The following MACROD2 variants were observed in gnomAD, a reference collection of about 807,000 sequenced individuals.
MACROD2 encodes ADP-ribose glycohydrolase MACROD2.
Under a neutral mutation model 70.4 loss-of-function variants are expected in MACROD2, and 36 were observed. The ratio of observed to expected loss-of-function variants is 0.51; its 90% CI spans 0.39 to 0.68. The LOEUF (loss-of-function observed/expected upper bound fraction) is 0.68. Among genes scored for constraint, MACROD2 ranks in the 30% least tolerant of loss-of-function variants. The probability of loss-of-function intolerance (pLI) is 0.00; values close to 1 mark genes in which losing one functional copy is unlikely to be tolerated. For missense variants in MACROD2, 496 were observed against 538.4 expected (o/e 0.92, Z 0.78); for synonymous variants, 172 against 178.8 (o/e 0.96, Z 0.30).
chr20:14,381,651 G>A (rs766403826), intron 3 of MACROD2, among the ~76,000 whole-genome samples: 2 of 152,196 alleles, frequency 1.3e-5, no homozygotes, highest in Non-Finnish European at 2.9e-5. Flanking sequence ...AAATAGCAGT[G>A]AGCGGTGTTT....
chr20:14,039,818 T>C (rs1031903721), intron 2 of MACROD2, among the ~76,000 whole-genome samples: 6 of 150,776 alleles, frequency 4.0e-5, no homozygotes, highest in Non-Finnish European at 8.9e-5. Context: ...TTTTTTTTTT[T>C]ATTAAGTATG....
intron 3 of MACROD2, among the ~76,000 whole-genome samples, chr20:14,370,791 A>G (rs2083315215): frequency 6.6e-6 from 1 of 152,216 alleles, no homozygotes; most frequent in South Asian, 2.1e-4. Context: ...TTTCTTTTTC[A>G]GAAAACTGCC....
intron 5 of MACROD2, among the ~76,000 whole-genome samples, chr20:14,967,340 T>TC (rs2074647140): frequency 6.8e-6 from 1 of 146,046 alleles, no homozygotes; most frequent in African/African-American, 2.8e-5. Flanking sequence ...TTACAGGTAT[T>TC]TTTAGTAGAG....
intron 3 of MACROD2, among the ~76,000 whole-genome samples, chr20:14,383,350 A>G (rs2083441715): frequency 6.6e-6 from 1 of 151,980 alleles, no homozygotes; most frequent in African/African-American, 2.4e-5. Context: ...GACGATAGGA[A>G]TAAATAGTAA....
At chr20:15,304,904 C>T (rs937008905) in intron 6 of MACROD2, among the ~76,000 whole-genome samples, 4 of 152,256 alleles carry the variant, frequency 2.6e-5, no homozygotes, top group Non-Finnish European at 4.4e-5. Flanking sequence ...AGGCACCCCT[C>T]TCCACAGAAG....
intron 3 of MACROD2, among the ~76,000 whole-genome samples, chr20:14,250,466 A>G (rs1306321029): frequency 6.6e-6 from 1 of 152,122 alleles, no homozygotes; most frequent in Non-Finnish European, 1.5e-5. Context: ...CCTCCATGCT[A>G]CTACCGAAAA....
intron 8 of MACROD2, among the ~76,000 whole-genome samples, chr20:15,708,449 AT>A (rs2050570651): frequency 6.6e-6 from 1 of 152,032 alleles, no homozygotes; most frequent in Admixed American, 6.6e-5. Flanking sequence ...GGGAAAGAGC[AT>A]CCTGGGAAGT....
chr20:14,333,234 G>A (rs1333057017), intron 3 of MACROD2, among the ~76,000 whole-genome samples: 3 of 152,200 alleles, frequency 2.0e-5, no homozygotes, highest in Admixed American at 6.6e-5. Context: ...GAAAATAGAG[G>A]ATAAAATTTC....
intron 15 of MACROD2, among the ~76,000 whole-genome samples, chr20:15,990,951 C>T (rs2066549541): frequency 6.6e-6 from 1 of 152,146 alleles, no homozygotes; most frequent in African/African-American, 2.4e-5. Flanking sequence ...AGAGCGATGG[C>T]ATGGGAGCCA....
rs117019946 is a variant in MACROD2, at chr20:15,080,735, G to A, written c.419-149205G>A. ...CCTGGAAATCTAATAGGCATCATAAGCATAACATGTTCGAAAAGAACTATG... is the reference window on the plus strand; with the variant it reads ...CCTGGAAATCTAATAGGCATCATAAACATAACATGTTCGAAAAGAACTATG... On this transcript the variant is annotated intron_variant, in intron 5 of 17. Transcript: ENST00000684519. Among the ~76,000 whole-genome samples, 596 of 152,188 alleles carry A rather than the reference G, an allele frequency of 3.9e-3. 4 individuals are homozygous for A. Among genetic ancestry groups the A allele is most frequent in the Non-Finnish European group, 6.5e-3 (439 of 67,992 alleles).
intron 4 of MACROD2, among the ~76,000 whole-genome samples, chr20:14,660,931 C>T (rs1370617572): frequency 6.6e-6 from 1 of 151,974 alleles, no homozygotes; most frequent in African/African-American, 2.4e-5. Flanking sequence ...ATATGTACCA[C>T]ATTTCCTTTA....
At chr20:14,418,244 T>A (rs911247230) in intron 3 of MACROD2, among the ~76,000 whole-genome samples, 1 of 152,184 alleles carries the variant, frequency 6.6e-6, no homozygotes, top group Admixed American at 6.5e-5. Context: ...ATTGTTTCCA[T>A]AATAAGCAAA....
intron 5 of MACROD2, among the ~76,000 whole-genome samples, chr20:14,744,210 A>G (rs2071769947): frequency 6.6e-6 from 1 of 152,210 alleles, no homozygotes; most frequent in South Asian, 2.1e-4. Flanking sequence ...AGTGAGGTAT[A>G]TATATGCAAG....
Position 14,456,841 on chromosome 20 carries a change from C to T in MACROD2, c.272-36638C>T, listed in dbSNP as rs557551470. On this transcript the variant is annotated intron_variant, in intron 3 of 17. Transcript: ENST00000684519. ...ACGCCATTTTCCTGCCTCAGCCTCCCGAGTAGCTGGGACTACAGGTGCCCA... is the reference window on the plus strand; with the variant it reads ...ACGCCATTTTCCTGCCTCAGCCTCCTGAGTAGCTGGGACTACAGGTGCCCA... Among the ~76,000 whole-genome samples, 2 of 150,996 alleles carry T rather than the reference C, an allele frequency of 1.3e-5. 1 individual carries two copies. The highest frequency in any genetic ancestry group is 4.9e-5 in the African/African-American group (2 of 40,626).
At chr20:14,841,008 A>G (rs563141820) in intron 5 of MACROD2, among the ~76,000 whole-genome samples, 1 of 152,268 alleles carries the variant, frequency 6.6e-6, no homozygotes, top group Non-Finnish European at 1.5e-5. Context: ...TGTATTTGTA[A>G]ATTTCAGGTC....
chr20:14,728,087 G>C (rs1600594456), intron 5 of MACROD2, among the ~76,000 whole-genome samples: 1 of 151,928 alleles, frequency 6.6e-6, no homozygotes, highest in African/African-American at 2.4e-5. Context: ...AAAATGTCAA[G>C]CTCCTATGTC....
intron 5 of MACROD2, among the ~76,000 whole-genome samples, chr20:15,169,511 A>C (rs889117375): frequency 6.6e-6 from 1 of 152,218 alleles, no homozygotes; most frequent in South Asian, 2.1e-4. Flanking sequence ...ACCAGCCACT[A>C]TCAGGGTACA....
chr20:15,402,704 A>G (rs2146310743), intron 6 of MACROD2, among the ~76,000 whole-genome samples: 1 of 152,314 alleles, frequency 6.6e-6, no homozygotes, highest in Non-Finnish European at 1.5e-5. Context: ...GAAGTGCAAA[A>G]ATAGAACTAA....
At chr20:14,903,039 CTTTTT>C in intron 5 of MACROD2, among the ~76,000 whole-genome samples, 1 of 116,754 alleles carries the variant, frequency 8.6e-6, no homozygotes. Flanking sequence ...TTTTCTTTCC[CTTTTT>C]TTTTTTTTTT....
Sources: allele counts gnomAD v4.1 joint callset (sites outside exome capture counted in the v4.1 genomes callset), GRCh38; gene constraint gnomAD v4.1.1; transcripts MANE v1.5; gene names NCBI Gene and HGNC (gene_info 2026-07-23, HGNC 2026-07-21).